DAB1: variants seen among roughly 807,000 people sequenced by gnomAD.
DAB1 encodes disabled homolog 1.
DAB1 carries 15 observed loss-of-function variants against 64.6 expected under a neutral mutation model. The observed-to-expected ratio is 0.23, with a 90% CI of 0.16 to 0.36. The LOEUF (loss-of-function observed/expected upper bound fraction) is 0.36, where lower values mean the gene tolerates loss of function less well. Among genes scored for constraint, DAB1 ranks in the 10% least tolerant of loss-of-function variants. The probability of loss-of-function intolerance (pLI) is 1.00; values close to 1 mark genes in which losing one functional copy is unlikely to be tolerated. For synonymous variants in DAB1, 235 were observed against 251.9 expected, an observed-to-expected ratio of 0.93 and a Z score of 0.64; for missense variants, 596 against 706.7, an observed-to-expected ratio of 0.84 and a Z score of 1.78.
chr1:57,278,754 C>T (rs779317695), intron 2 of DAB1, among the ~76,000 whole-genome samples: 4 of 152,134 alleles, frequency 2.6e-5, no homozygotes, highest in Non-Finnish European at 4.4e-5. Context: ...GTTCAAATTG[C>T]GCAAGGTGTT....
intron 2 of DAB1, among the ~76,000 whole-genome samples, chr1:58,507,631 CAT>C (rs753916067): frequency 4.6e-5 from 7 of 151,784 alleles, no homozygotes; most frequent in South Asian, 2.1e-4. Flanking sequence ...ATATAACAAA[CAT>C]AAATATTATT....
At chr1:57,196,342 G>C (rs1420020692) in intron 2 of DAB1, among the ~76,000 whole-genome samples, 1 of 152,194 alleles carries the variant, frequency 6.6e-6, no homozygotes, top group South Asian at 2.1e-4. Context: ...ACAATACCTA[G>C]AGCTGGACAT....
chr1:57,265,920 C>T (rs1670555798), intron 2 of DAB1, among the ~76,000 whole-genome samples: 1 of 152,162 alleles, frequency 6.6e-6, no homozygotes, highest in African/African-American at 2.4e-5. Flanking sequence ...TTAGAGAGGA[C>T]TTCAGAAATA....
chr1:57,181,955 G>A (rs146000450), intron 2 of DAB1, among the ~76,000 whole-genome samples: 1 of 152,096 alleles, frequency 6.6e-6, no homozygotes, highest in Non-Finnish European at 1.5e-5. Context: ...GTGCCATCTC[G>A]GCTTACTGCA....
chr1:57,459,641 C>T (rs1686714403), intron 7 of DAB1, among the ~76,000 whole-genome samples: 1 of 152,130 alleles, frequency 6.6e-6, no homozygotes, highest in Admixed American at 6.5e-5. Context: ...CACCATCTAG[C>T]AAAACCTTAA....
intron 6 of DAB1, among the ~76,000 whole-genome samples, chr1:57,750,896 G>A (rs1648519402): frequency 3.3e-5 from 5 of 152,254 alleles, no homozygotes; most frequent in East Asian, 1.9e-4. Context: ...CTAGCCACAC[G>A]AACTCCTCTC....
chr1:57,432,445 CTG>C (rs940149047), intron 7 of DAB1, among the ~76,000 whole-genome samples: 11 of 152,040 alleles, frequency 7.2e-5, no homozygotes, highest in African/African-American at 2.7e-4. Flanking sequence ...GATGGGTAAA[CTG>C]TGTATCAAAA....
intron 2 of DAB1, among the ~76,000 whole-genome samples, chr1:57,167,190 A>G (rs958700223): frequency 3.3e-5 from 5 of 152,186 alleles, no homozygotes; most frequent in Non-Finnish European, 5.9e-5. Flanking sequence ...GATAGTCTAC[A>G]AATTAAATAA....
chr1:57,691,811 G>A (rs1363026463), intron 6 of DAB1, among the ~76,000 whole-genome samples: 1 of 152,086 alleles, frequency 6.6e-6, no homozygotes, highest in Non-Finnish European at 1.5e-5. Flanking sequence ...ACCAAGCAGT[G>A]AGCACTCTCA....
intron 7 of DAB1, among the ~76,000 whole-genome samples, chr1:57,489,538 C>T (rs186833969): frequency 7.9e-5 from 12 of 152,164 alleles, no homozygotes; most frequent in African/African-American, 2.7e-4. Flanking sequence ...GCTCACAAAG[C>T]CTCCCTCAAC....
chr1:57,095,694 G>T (rs1251247643), intron 4 of DAB1, among the ~76,000 whole-genome samples: 2 of 152,160 alleles, frequency 1.3e-5, no homozygotes, highest in Admixed American at 1.3e-4. Context: ...AAGTATGGAG[G>T]CTAGGTGTGA....
chr1:57,148,147 T>A (rs1659325843), intron 2 of DAB1, among the ~76,000 whole-genome samples: 1 of 152,154 alleles, frequency 6.6e-6, no homozygotes, highest in Non-Finnish European at 1.5e-5. Context: ...CAGTCATCAG[T>A]CATCTCTAAA....
At chr1:57,287,778 T>TTTTATTTATTTATTTA (rs10647426) in intron 2 of DAB1, among the ~76,000 whole-genome samples, 48,380 of 143,830 alleles carry the variant, frequency 0.34, 8,870 homozygotes, top group Admixed American at 0.47. Context: ...TTTCTCTCTC[T>TTTTATTTATTTATTTA]TTTATTTATT....
chr1:57,331,291 G>A (rs148115252), intron 1 of DAB1, among the ~76,000 whole-genome samples: 1 of 152,312 alleles, frequency 6.6e-6, no homozygotes, highest in East Asian at 1.9e-4. Context: ...ATTGTTTCAT[G>A]AGGGCTCTCA....
chr1:57,647,265 T>C (rs751445703), intron 7 of DAB1, among the ~76,000 whole-genome samples: 9 of 152,140 alleles, frequency 5.9e-5, no homozygotes, highest in Non-Finnish European at 1.0e-4. Flanking sequence ...TGAATAACCT[T>C]CAAACATCGC....
intron 5 of DAB1, among the ~76,000 whole-genome samples, chr1:58,087,879 T>A (rs1272928217): frequency 6.6e-6 from 1 of 152,226 alleles, no homozygotes; most frequent in Non-Finnish European, 1.5e-5. Flanking sequence ...TTCATTCAAG[T>A]CTTTATTGAA....
intron 4 of DAB1, among the ~76,000 whole-genome samples, chr1:58,247,249 T>A (rs1310742406): frequency 8.4e-6 from 1 of 119,738 alleles, no homozygotes; most frequent in East Asian, 3.1e-4. Context: ...TTACTATTCA[T>A]TTTTCATTTC....
intron 5 of DAB1, chr1:58,056,573 C>A: frequency 4.1e-6 from 3 of 740,734 alleles, no homozygotes; most frequent in Non-Finnish European, 7.2e-6. Flanking sequence ...CATTTTCTGG[C>A]TCTCAGGCTC....
chr1:57,184,453 C>T (rs1474512067), intron 2 of DAB1, among the ~76,000 whole-genome samples: 1 of 152,152 alleles, frequency 6.6e-6, no homozygotes, highest in South Asian at 2.1e-4. Flanking sequence ...CCGTGCCAAC[C>T]CTGTCCTCTG....
Sources: gnomAD v4.1 joint callset for allele counts (sites outside exome capture counted in the v4.1 genomes callset) on GRCh38, gnomAD v4.1.1 for gene constraint, MANE v1.5 for transcripts, NCBI Gene and HGNC (gene_info 2026-07-23, HGNC 2026-07-21) for gene names.